The following NALF1 variants were observed in gnomAD, a reference collection of about 807,000 sequenced individuals.
NALF1 encodes the protein family with sequence similarity 155 member A.
In NALF1, 3 loss-of-function variants were observed where a neutral mutation model predicts 48.4. That is an observed-to-expected ratio of 0.06 (90% CI 0.03 to 0.16). NALF1 has a LOEUF of 0.16. NALF1 is among the 10% of genes least tolerant of loss of function. The pLI, the probability that NALF1 is intolerant of heterozygous loss-of-function variation, is 1.00. For synonymous variants in NALF1, 262 were observed against 245.7 expected, an observed-to-expected ratio of 1.07 and a Z score of -0.62; for missense variants, 526 against 571.5, an observed-to-expected ratio of 0.92 and a Z score of 0.81.
intron 2 of NALF1, among the ~76,000 whole-genome samples, chr13:107,201,475 G>A (rs914680162): frequency 3.9e-5 from 6 of 152,256 alleles, no homozygotes; most frequent in African/African-American, 1.2e-4. Flanking sequence ...TACTCGGGAG[G>A]CTGAGGCAGG....
intron 1 of NALF1, among the ~76,000 whole-genome samples, chr13:107,498,776 A>C (rs1875420047): frequency 6.6e-6 from 1 of 152,134 alleles, no homozygotes. Flanking sequence ...GTTCTTTGAC[A>C]AGGGAAACGA....
chr13:107,678,872 G>C (rs945704147), intron 1 of NALF1, among the ~76,000 whole-genome samples: 1 of 152,216 alleles, frequency 6.6e-6, no homozygotes, highest in African/African-American at 2.4e-5. Flanking sequence ...CCCGTAACAC[G>C]TGGGGATTAT....
intron 1 of NALF1, among the ~76,000 whole-genome samples, chr13:107,616,361 C>T (rs1419247738): frequency 6.6e-6 from 1 of 152,190 alleles, no homozygotes; most frequent in Non-Finnish European, 1.5e-5. Context: ...GATCCCATCA[C>T]ATTGCATAAT....
intron 1 of NALF1, among the ~76,000 whole-genome samples, chr13:107,830,001 C>T (rs1418713664): frequency 1.3e-5 from 2 of 152,172 alleles, no homozygotes; most frequent in African/African-American, 4.8e-5. Flanking sequence ...CCAACCCTAA[C>T]TCACAACCCT....
At chr13:107,240,655 A>G (rs1880448276) in intron 1 of NALF1, among the ~76,000 whole-genome samples, 1 of 152,222 alleles carries the variant, frequency 6.6e-6, no homozygotes, top group Non-Finnish European at 1.5e-5. Flanking sequence ...ATCTAAGGTG[A>G]AACTCTGTAG....
rs187995471 is a variant in NALF1 at position 107,353,813 on chromosome 13, G to A, written c.916-143058C>T. ...CAGCAACTCTGCTAGATTTAACCAGGGTGGCCTAATGTCTAACACAGGAAT... is the reference window on the plus strand; with the variant it reads ...CAGCAACTCTGCTAGATTTAACCAGAGTGGCCTAATGTCTAACACAGGAAT... On this transcript the variant is annotated intron_variant, in intron 1 of 2. Coordinates refer to ENST00000375915, the MANE Select transcript of NALF1 (RefSeq NM_001080396.3). Among the ~76,000 whole-genome samples, 186 of 152,198 alleles carry A rather than the reference G, an allele frequency of 1.2e-3. 2 individuals carry two copies. The highest frequency in any genetic ancestry group is 4.4e-3 in the African/African-American group (182 of 41,522).
intron 1 of NALF1, among the ~76,000 whole-genome samples, chr13:107,248,851 A>G (rs1276709442): frequency 6.6e-6 from 1 of 151,894 alleles, no homozygotes; most frequent in Non-Finnish European, 1.5e-5. Flanking sequence ...GAAATAGGCA[A>G]TTTCTAAGTG....
chr13:107,391,909 G>A (rs1035482628), intron 1 of NALF1, among the ~76,000 whole-genome samples: 2 of 152,086 alleles, frequency 1.3e-5, no homozygotes, highest in African/African-American at 2.4e-5. Flanking sequence ...CCTGAGGGCT[G>A]TGTCACAGGC....
chr13:107,228,707 C>G (rs1420400812), intron 1 of NALF1, among the ~76,000 whole-genome samples: 1 of 152,172 alleles, frequency 6.6e-6, no homozygotes, highest in Non-Finnish European at 1.5e-5. Context: ...GCAACCTCCG[C>G]CTCCCGGGCT....
chr13:107,687,100 C>G lies in NALF1; in HGVS notation c.915+178582G>C, dbSNP rs570480677. On this transcript the variant is annotated intron_variant, in intron 1 of 2. Transcript: ENST00000375915. ...ATAAAGAAAATATGGTGCATATACA[C>G]CATGGAATACTATGTAGCCATAAAA... is the stretch of plus-strand genomic sequence containing the variant. Among the ~76,000 whole-genome samples, 71 of 152,308 alleles carry G rather than the reference C, an allele frequency of 4.7e-4. 1 individual carries two copies. The highest frequency in any genetic ancestry group is 1.7e-3 in the African/African-American group (71 of 41,568).
intron 1 of NALF1, among the ~76,000 whole-genome samples, chr13:107,848,151 C>T (rs1032485233): frequency 6.6e-6 from 1 of 152,168 alleles, no homozygotes; most frequent in African/African-American, 2.4e-5. Flanking sequence ...TACAACACAA[C>T]GAAGTTTCCT....
At chr13:107,711,748 C>A (rs190031462) in intron 1 of NALF1, among the ~76,000 whole-genome samples, 3 of 152,312 alleles carry the variant, frequency 2.0e-5, no homozygotes. Context: ...GGGTATTCAG[C>A]AGAAATTTCA....
chr13:107,270,782 T>G (rs1380254727), intron 1 of NALF1, among the ~76,000 whole-genome samples: 1 of 151,856 alleles, frequency 6.6e-6, no homozygotes, highest in Non-Finnish European at 1.5e-5. Flanking sequence ...TCATTTAGCA[T>G]TAGGTATATC....
intron 1 of NALF1, among the ~76,000 whole-genome samples, chr13:107,442,735 T>C (rs1467147625): frequency 6.6e-6 from 1 of 152,152 alleles, no homozygotes; most frequent in Non-Finnish European, 1.5e-5. Context: ...AAAACTTTGG[T>C]TCATATTAAA....
chr13:107,631,726 G>A (rs1461124619), intron 1 of NALF1, among the ~76,000 whole-genome samples: 1 of 152,026 alleles, frequency 6.6e-6, no homozygotes, highest in South Asian at 2.1e-4. Flanking sequence ...TTTTCTTTAT[G>A]ATAAGCCTCT....
chr13:107,199,650 T>C (rs893800780), intron 2 of NALF1, among the ~76,000 whole-genome samples: 14 of 152,168 alleles, frequency 9.2e-5, no homozygotes, highest in Admixed American at 2.6e-4. Context: ...AGCCTTTGTT[T>C]TAAGTTCCAG....
intron 1 of NALF1, among the ~76,000 whole-genome samples, chr13:107,794,376 G>C (rs977238886): frequency 1.3e-5 from 2 of 151,578 alleles, no homozygotes; most frequent in African/African-American, 4.8e-5. Context: ...GGTACTATTA[G>C]AATTGCTCAG....
chr13:107,359,208 C>A (rs879701116), intron 1 of NALF1, among the ~76,000 whole-genome samples: 2 of 152,166 alleles, frequency 1.3e-5, no homozygotes, highest in African/African-American at 2.4e-5. Context: ...TCTCTTGCTG[C>A]AATTTCTCCT....
intron 1 of NALF1, among the ~76,000 whole-genome samples, chr13:107,313,509 C>G (rs1268089725): frequency 6.6e-6 from 1 of 152,008 alleles, no homozygotes; most frequent in African/African-American, 2.4e-5. Context: ...TTGTGGACCT[C>G]AAGATCTTTA....
Sources: allele counts gnomAD v4.1 joint callset (sites outside exome capture counted in the v4.1 genomes callset), GRCh38; gene constraint gnomAD v4.1.1; transcripts MANE v1.5; gene names NCBI Gene and HGNC (gene_info 2026-07-23, HGNC 2026-07-21).